The following PREX1 variants were observed in gnomAD, a reference collection of about 807,000 sequenced individuals.
The protein encoded by PREX1 is phosphatidylinositol 3,4,5-trisphosphate-dependent Rac exchanger 1 protein.
In PREX1, 41 loss-of-function variants were observed where a neutral mutation model predicts 198.3. The ratio of observed to expected loss-of-function variants is 0.21; its 90% CI spans 0.16 to 0.27. The LOEUF is 0.27. PREX1 is among the 10% of genes least tolerant of loss of function. The pLI is 1.00. For missense variants in PREX1, 1,620 were observed against 2,200.7 expected, an observed-to-expected ratio of 0.74 and a Z score of 5.28; for synonymous variants, 843 against 887.2, an observed-to-expected ratio of 0.95 and a Z score of 0.89.
chr20:48,815,025 A>C (rs1054367721), intron 1 of PREX1, among the ~76,000 whole-genome samples: 4 of 152,252 alleles, frequency 2.6e-5, no homozygotes, highest in Admixed American at 1.3e-4. Context: ...CAAGACAAGG[A>C]GCATTATCAG....
chr20:48,672,504 G>T (rs2089682114), intron 14 of PREX1, among the ~76,000 whole-genome samples: 1 of 152,238 alleles, frequency 6.6e-6, no homozygotes, highest in East Asian at 1.9e-4. Context: ...CACACACACT[G>T]CTCCTGTACT....
At chr20:48,857,729 C>T in the PREX1 span, among the ~76,000 whole-genome samples, 38 of 152,164 alleles carry the variant, frequency 2.5e-4, no homozygotes, top group African/African-American at 8.7e-4. Flanking sequence ...GCTGTGATTT[C>T]GCCACTGCAC....
intron 22 of PREX1, 34 bp from the exon 23 acceptor site, chr20:48,651,089 T>C (rs1407944637): frequency 6.2e-7 from 1 of 1,609,094 alleles, no homozygotes; most frequent in South Asian, 1.1e-5. Context: ...GAGCATTCCC[T>C]GTGTGCCGGG....
At chr20:48,660,671 C>T (rs763455697) in intron 15 of PREX1, among the ~76,000 whole-genome samples, 5 of 151,786 alleles carry the variant, frequency 3.3e-5, no homozygotes, top group African/African-American at 9.7e-5. Flanking sequence ...GACCTCCATT[C>T]GATAACAACT....
the PREX1 span, among the ~76,000 whole-genome samples, chr20:48,848,768 G>A: frequency 6.6e-6 from 1 of 152,040 alleles, no homozygotes; most frequent in East Asian, 1.9e-4. Flanking sequence ...TTGGAGTCTC[G>A]CTCTGTCGCT....
At chr20:48,861,911 G>A in the PREX1 span, among the ~76,000 whole-genome samples, 1 of 151,974 alleles carries the variant, frequency 6.6e-6, no homozygotes, top group South Asian at 2.1e-4. Flanking sequence ...TCGAAAAATA[G>A]AGAAAATGAA....
chr20:48,787,169 C>T (rs919582574), intron 1 of PREX1, among the ~76,000 whole-genome samples: 3 of 152,144 alleles, frequency 2.0e-5, no homozygotes, highest in African/African-American at 7.2e-5. Context: ...GTGCCCACCG[C>T]CCCTCAACCC....
At chr20:48,789,809 G>T (rs889111271) in intron 1 of PREX1, among the ~76,000 whole-genome samples, 1 of 152,108 alleles carries the variant, frequency 6.6e-6, no homozygotes, top group Non-Finnish European at 1.5e-5. Context: ...GGAAATACTG[G>T]ACGGACAGAT....
chr20:48,806,751 T>C lies in PREX1; in HGVS notation c.219+20891A>G, dbSNP rs572467290. Among the ~76,000 whole-genome samples the C allele has an allele frequency of 2.6e-5, 4 of 152,310 alleles. No homozygotes were observed. In the East Asian group the frequency reaches 7.7e-4, roughly 29 times the overall value. ...TTCCCTGACAAGGGAGCAACAAGCA[T>C]TTAATGAGCACTGACTGTATGCCAG... On this transcript the variant is annotated intron_variant, in intron 1 of 39. Transcript: ENST00000371941.
the PREX1 span, among the ~76,000 whole-genome samples, chr20:48,839,663 C>T: frequency 6.6e-6 from 1 of 152,218 alleles, no homozygotes; most frequent in South Asian, 2.1e-4. Context: ...CTACATTTCC[C>T]AGGCCTCTTG....
intron 29 of PREX1, among the ~76,000 whole-genome samples, chr20:48,641,850 GGAAGGA>G (rs2089414646): frequency 2.7e-5 from 1 of 36,532 alleles, no homozygotes; most frequent in Non-Finnish European, 5.8e-5. Context: ...GAGGAAGGAA[GGAAGGA>G]AGGAAGGAAG....
rs1301644632 is a variant in PREX1, at chr20:48,655,139, T to C, written c.2209+151A>G. 23 of 832,038 alleles carry C rather than the reference T, an allele frequency of 2.8e-5. 1 individual carries two copies. The East Asian group carries it at 6.8e-4, about 24-fold the overall frequency. 51.5% of individuals were successfully genotyped at this position (832,038 alleles called of 1,614,324 possible). On this transcript the variant is annotated intron_variant, in intron 19 of 39. Coordinates refer to ENST00000371941, the MANE Select transcript of PREX1 (RefSeq NM_020820.4). ...TGCCTGACCCCAACAGGCATTTGTGTTTGCAAGTCTTGGCATCAGGCAAAG... is the reference window on the plus strand; with the variant it reads ...TGCCTGACCCCAACAGGCATTTGTGCTTGCAAGTCTTGGCATCAGGCAAAG...
At chr20:48,737,186 T>G (rs1601104888) in intron 3 of PREX1, among the ~76,000 whole-genome samples, 1 of 120,312 alleles carries the variant, frequency 8.3e-6, no homozygotes, top group African/African-American at 3.3e-5. Context: ...TTGAACAGGG[T>G]AGGGCAGTAG....
At chr20:48,762,933 C>A (rs2090189558) in intron 1 of PREX1, among the ~76,000 whole-genome samples, 1 of 152,188 alleles carries the variant, frequency 6.6e-6, no homozygotes, top group Non-Finnish European at 1.5e-5. Flanking sequence ...AAACTACGGA[C>A]CTCAGGTGAT....
At chr20:48,660,549 C>A (rs776969148) in intron 15 of PREX1, among the ~76,000 whole-genome samples, 1 of 152,182 alleles carries the variant, frequency 6.6e-6, no homozygotes, top group Non-Finnish European at 1.5e-5. Flanking sequence ...TAAAGACCTA[C>A]GTATGAACAG....
intron 16 of PREX1, among the ~76,000 whole-genome samples, chr20:48,659,264 G>GGAAGGAA (rs1555832545): frequency 7.0e-6 from 1 of 143,562 alleles, no homozygotes; most frequent in African/African-American, 2.6e-5. Context: ...AAGGAAGGAC[G>GGAAGGAA]GGCACGAGAG....
chr20:48,847,696 G>C, the PREX1 span, among the ~76,000 whole-genome samples: 1 of 152,090 alleles, frequency 6.6e-6, no homozygotes, highest in Non-Finnish European at 1.5e-5. Flanking sequence ...TGGAATATAT[G>C]ACTCAATGCA....
chr20:48,644,648 G>A, intron 26 of PREX1, 151 bp from the exon 27 acceptor site: 1 of 679,610 alleles, frequency 1.5e-6, no homozygotes, highest in South Asian at 2.0e-5. Flanking sequence ...CCGGTCCTGG[G>A]TCCCAAAGGC....
intron 20 of PREX1, among the ~76,000 whole-genome samples, chr20:48,653,071 A>C (rs2089512840): frequency 6.6e-6 from 1 of 152,006 alleles, no homozygotes; most frequent in Non-Finnish European, 1.5e-5. Flanking sequence ...TTCCCAACCC[A>C]CTTGACTATG....
Sources: gnomAD v4.1 joint callset for allele counts (sites outside exome capture counted in the v4.1 genomes callset) on GRCh38, gnomAD v4.1.1 for gene constraint, MANE v1.5 for transcripts, NCBI Gene and HGNC (gene_info 2026-07-23, HGNC 2026-07-21) for gene names.